Variants in RYR2 observed in about 807,000 individuals in gnomAD.
RYR2 encodes the protein cardiac muscle ryanodine receptor-calcium release channel.
In RYR2, 227 loss-of-function variants were observed where a neutral mutation model predicts 601.1. The observed-to-expected ratio is 0.38, with a 90% CI of 0.34 to 0.42. The LOEUF (loss-of-function observed/expected upper bound fraction) is 0.42. Ranked by LOEUF, RYR2 falls within the 10% of genes least tolerant of loss-of-function variation. The probability of loss-of-function intolerance (pLI) is 1.00; values close to 1 mark genes in which losing one functional copy is unlikely to be tolerated. For missense variants in RYR2, 4,646 were observed against 6,156.5 expected (o/e 0.75, Z 8.21); for synonymous variants, 2,223 against 2,175.1 (o/e 1.02, Z -0.61).
At chr1:237,775,160 A>G (rs892162953) in intron 87 of RYR2, among the ~76,000 whole-genome samples, 10 of 151,822 alleles carry the variant, frequency 6.6e-5, no homozygotes, top group Admixed American at 6.6e-4. Flanking sequence ...TAACAATCGT[A>G]TCTGAAATAT....
At chr1:237,181,038 C>T (rs1678694785) in intron 1 of RYR2, among the ~76,000 whole-genome samples, 1 of 151,800 alleles carries the variant, frequency 6.6e-6, no homozygotes, top group South Asian at 2.1e-4. Context: ...GGCTGGAGTG[C>T]AATGGCATGA....
intron 1 of RYR2, among the ~76,000 whole-genome samples, chr1:237,149,318 C>CAAA (rs1298255576): frequency 6.6e-6 from 1 of 151,602 alleles, no homozygotes; most frequent in African/African-American, 2.4e-5. Context: ...AAAACAAAAA[C>CAAA]AAAAACAAAA....
chr1:237,213,113 T>G (rs1438140248), intron 1 of RYR2, among the ~76,000 whole-genome samples: 1 of 150,430 alleles, frequency 6.6e-6, no homozygotes, highest in Admixed American at 6.6e-5. Context: ...GCCATTCCAG[T>G]AGTTTTTTTA....
intron 1 of RYR2, among the ~76,000 whole-genome samples, chr1:237,098,884 G>A (rs7551672): frequency 0.78 from 118,887 of 152,116 alleles, 49,806 homozygotes; most frequent in Non-Finnish European, 0.93. Flanking sequence ...GTGATTTAGA[G>A]CAGACTGTGC....
At chr1:237,613,861 G>A (rs929106784) in intron 36 of RYR2, among the ~76,000 whole-genome samples, 178 bp from the exon 37 acceptor site, 4 of 152,166 alleles carry the variant, frequency 2.6e-5, no homozygotes, top group African/African-American at 9.7e-5. Flanking sequence ...TCTGAATAAA[G>A]TCCCAAATCC....
At chr1:237,159,141 A>C (rs1287637474) in intron 1 of RYR2, among the ~76,000 whole-genome samples, 1 of 152,024 alleles carries the variant, frequency 6.6e-6, no homozygotes, top group African/African-American at 2.4e-5. Context: ...AAAATACAAA[A>C]TTAGCTGCGC....
intron 36 of RYR2, among the ~76,000 whole-genome samples, chr1:237,612,859 T>C (rs1214519790): frequency 2.0e-5 from 3 of 152,204 alleles, no homozygotes; most frequent in African/African-American, 7.2e-5. Context: ...TGTGAATGGA[T>C]AATGTAAACT....
In RYR2 at chr1:237,131,728, A is replaced by ATT. The variant is rs138810409; in HGVS notation, c.48+89169_48+89170dup. On this transcript the variant is annotated intron_variant, in intron 1 of 104. Coordinates refer to ENST00000366574, the MANE Select transcript of RYR2 (RefSeq NM_001035.3). ...TAATGATCCCTGCTTTCAAATCTGCATTTTTTTTTTTAGGTAGAGTCTTGC... is the reference window on the plus strand; with the variant it reads ...TAATGATCCCTGCTTTCAAATCTGCATTTTTTTTTTTTTAGGTAGAGTCTTGC... Among the ~76,000 whole-genome samples the ATT allele has an allele frequency of 1.4e-4, 21 of 147,494 alleles. 1 individual carries two copies. The South Asian group carries it at 3.9e-3, about 27-fold the overall frequency.
intron 1 of RYR2, among the ~76,000 whole-genome samples, chr1:237,212,809 C>T (rs537776139): frequency 6.6e-6 from 1 of 152,114 alleles, no homozygotes; most frequent in East Asian, 1.9e-4. Flanking sequence ...AAGTCTTGCT[C>T]TGTCACCCAG....
At chr1:237,409,670 C>T (rs535335238) in intron 10 of RYR2, among the ~76,000 whole-genome samples, 1 of 152,142 alleles carries the variant, frequency 6.6e-6, no homozygotes, top group South Asian at 2.1e-4. Context: ...TGGTATATCA[C>T]AGAAATTCTA....
intron 1 of RYR2, among the ~76,000 whole-genome samples, chr1:237,126,011 C>T (rs1361596088): frequency 9.2e-5 from 14 of 152,102 alleles, no homozygotes; most frequent in Admixed American, 2.0e-4. Flanking sequence ...CCGAGGCGGG[C>T]GGATCACCTG....
At chr1:237,159,639 T>A (rs1456394362) in intron 1 of RYR2, among the ~76,000 whole-genome samples, 1 of 152,138 alleles carries the variant, frequency 6.6e-6, no homozygotes, top group Non-Finnish European at 1.5e-5. Context: ...AAGACCAACC[T>A]GGACAACAAA....
intron 25 of RYR2, among the ~76,000 whole-genome samples, chr1:237,540,911 GTA>G (rs61555601): frequency 0.021 from 3,081 of 148,452 alleles, 41 homozygotes; most frequent in Non-Finnish European, 0.027. Flanking sequence ...ATGTGTGTGT[GTA>G]TATATATATA....
intron 41 of RYR2, 139 bp downstream of exon 41, chr1:237,628,219 T>C: frequency 9.4e-7 from 1 of 1,067,900 alleles, no homozygotes; most frequent in South Asian, 1.9e-5. Context: ...CTTTTCTTTT[T>C]TTTATTTATT....
chr1:237,086,656 T>G (rs1398143321), intron 1 of RYR2, among the ~76,000 whole-genome samples: 1 of 152,044 alleles, frequency 6.6e-6, no homozygotes, highest in Non-Finnish European at 1.5e-5. Flanking sequence ...GCATGGAGGA[T>G]TTTTATTTCC....
intron 72 of RYR2, among the ~76,000 whole-genome samples, chr1:237,717,776 T>C (rs1468473940): frequency 1.3e-5 from 2 of 151,880 alleles, no homozygotes; most frequent in Admixed American, 6.6e-5. Context: ...TCAGCTGCTG[T>C]TCTCCTCTGC....
chr1:237,709,414 G>T lies in RYR2; in HGVS notation c.10143-66G>T, dbSNP rs573831428. 29 of 724,758 alleles carry T rather than the reference G, an allele frequency of 4.0e-5. No individual in the cohort carries two copies. The African/African-American group carries it at 4.6e-4, about 11-fold the overall frequency. The allele number at this position is 724,758 out of a possible 1,614,324, so 44.9% of individuals were successfully genotyped here. On this transcript the variant is annotated intron_variant, in intron 69 of 104. Coordinates refer to ENST00000366574, the MANE Select transcript of RYR2 (RefSeq NM_001035.3). ...CAGTACATTTAACTTTGGGGGGATG[G>T]TTTTTTTTTTTTAAATTAACTTTAA...
chr1:237,303,614 A>T (rs1693589292), intron 2 of RYR2, among the ~76,000 whole-genome samples: 1 of 152,052 alleles, frequency 6.6e-6, no homozygotes, highest in African/African-American at 2.4e-5. Context: ...ATCCTTTAAA[A>T]TTTAATATTT....
chr1:237,507,988 A>C (rs1289242623), intron 23 of RYR2, among the ~76,000 whole-genome samples: 1 of 151,998 alleles, frequency 6.6e-6, no homozygotes, highest in Non-Finnish European at 1.5e-5. Flanking sequence ...TTTGCTATAG[A>C]GTTTCGCTCT....
Sources: gnomAD v4.1 joint callset for allele counts (sites outside exome capture counted in the v4.1 genomes callset) on GRCh38, gnomAD v4.1.1 for gene constraint, MANE v1.5 for transcripts, NCBI Gene and HGNC (gene_info 2026-07-23, HGNC 2026-07-21) for gene names.